PCDH15: variants seen among roughly 807,000 people sequenced by gnomAD.
PCDH15 encodes the protein protocadherin related 15.
In PCDH15, 129 loss-of-function variants were observed where a neutral mutation model predicts 178.5. The observed-to-expected ratio is 0.72, with a 90% CI of 0.63 to 0.84. The LOEUF is 0.84. Ranked by LOEUF, PCDH15 falls within the 40% of genes least tolerant of loss-of-function variation. The probability of loss-of-function intolerance (pLI) is 0.00; values close to 1 mark genes in which losing one functional copy is unlikely to be tolerated. For synonymous variants in PCDH15, 800 were observed against 732.0 expected (o/e 1.09, Z -1.50); for missense variants, 2,230 against 2,099.9 (o/e 1.06, Z -1.21).
chr10:55,335,118 G>C (rs35591709), intron 2 of PCDH15, among the ~76,000 whole-genome samples: 1 of 152,146 alleles, frequency 6.6e-6, no homozygotes, highest in Non-Finnish European at 1.5e-5. Flanking sequence ...TGCTGTTTAC[G>C]CTGATTCCCA....
chr10:55,502,279 G>C (rs1840673389), intron 2 of PCDH15, among the ~76,000 whole-genome samples: 1 of 151,336 alleles, frequency 6.6e-6, no homozygotes, highest in Admixed American at 6.6e-5. Flanking sequence ...GCTTCCTTTA[G>C]TTACAGTGTC....
chr10:55,282,775 G>A (rs1235587530), intron 1 of PCDH15, among the ~76,000 whole-genome samples: 2 of 152,050 alleles, frequency 1.3e-5, no homozygotes, highest in Non-Finnish European at 1.5e-5. Context: ...AAGTTTAAGC[G>A]AGAGCTTTCA....
chr10:54,809,095 C>T (rs966482397), intron 3 of PCDH15, among the ~76,000 whole-genome samples: 10 of 152,040 alleles, frequency 6.6e-5, no homozygotes, highest in African/African-American at 2.4e-4. Context: ...ATACTCTTTG[C>T]AAATTTTTAA....
chr10:54,663,195 T>TTC (rs2094517917), intron 2 of PCDH15, among the ~76,000 whole-genome samples: 1 of 151,964 alleles, frequency 6.6e-6, no homozygotes, highest in African/African-American at 2.4e-5. Flanking sequence ...TTCATCTATC[T>TTC]TCTGATCAAT....
chr10:54,110,276 CAGGTTTCCTATCAG>C (rs2094993513), intron 15 of PCDH15, among the ~76,000 whole-genome samples: 1 of 143,216 alleles, frequency 7.0e-6, no homozygotes, highest in Non-Finnish European at 1.5e-5. Context: ...AGGTAAGAAG[CAGGTTTCCTATCAG>C]AGAATAGAGA....
At chr10:55,159,388 T>C (rs918722948) in intron 2 of PCDH15, among the ~76,000 whole-genome samples, 2,135 of 19,104 alleles carry the variant, frequency 0.11, 19 homozygotes, top group Middle Eastern at 0.29. Context: ...TATATATATA[T>C]ACACACATAC....
intron 2 of PCDH15, among the ~76,000 whole-genome samples, chr10:55,532,251 T>C (rs1841471295): frequency 6.6e-6 from 1 of 152,038 alleles, no homozygotes; most frequent in Non-Finnish European, 1.5e-5. Flanking sequence ...CTTGAGGGGT[T>C]AAGGCAGCTG....
chr10:54,963,753 G>A (rs1057346678), intron 2 of PCDH15, among the ~76,000 whole-genome samples: 1 of 152,228 alleles, frequency 6.6e-6, no homozygotes, highest in African/African-American at 2.4e-5. Flanking sequence ...TCTGTACACT[G>A]TATTCTTTTG....
intron 1 of PCDH15, among the ~76,000 whole-genome samples, chr10:54,705,546 T>A (rs978777723): frequency 9.9e-5 from 15 of 152,148 alleles, no homozygotes; most frequent in African/African-American, 3.1e-4. Flanking sequence ...AGGTTGTACT[T>A]CTTGATCTAT....
intron 2 of PCDH15, among the ~76,000 whole-genome samples, chr10:55,414,912 C>A (rs1250857397): frequency 1.3e-5 from 2 of 151,128 alleles, no homozygotes; most frequent in South Asian, 4.2e-4. Context: ...TAGTTGCCTT[C>A]TATTTATTTT....
chr10:54,757,729 C>T (rs193266123), intron 1 of PCDH15, among the ~76,000 whole-genome samples: 88 of 151,978 alleles, frequency 5.8e-4, no homozygotes, highest in African/African-American at 1.9e-3. Context: ...TTATTTATGC[C>T]GAGAGAGAGA....
In PCDH15 at chr10:53,806,290, TTTC is replaced by T. The variant is rs1378091620; in HGVS notation, c.*286_*288del. 2.5e-5 allele frequency: 7 copies of T among 277,054 alleles called. No homozygotes were observed. The highest frequency in any genetic ancestry group is 1.4e-4 in the East Asian group (2 of 14,662). The allele number at this position is 277,054 out of a possible 1,614,324, so 17.2% of individuals were successfully genotyped here. On this transcript the variant is annotated 3_prime_UTR_variant, in exon 38 of 38. Transcript: ENST00000644397. ...AATATAAATGATTATTTAGTAATTATTTCTTGTTTATTAAAATGAACAAAAATT... is the reference window on the plus strand; with the variant it reads ...AATATAAATGATTATTTAGTAATTATTTGTTTATTAAAATGAACAAAAATT...
intron 1 of PCDH15, among the ~76,000 whole-genome samples, chr10:55,220,495 A>G (rs2132183075): frequency 6.6e-6 from 1 of 152,170 alleles, no homozygotes; most frequent in Admixed American, 6.5e-5. Flanking sequence ...TGTTGTACGA[A>G]CATTATAGAG....
chr10:53,869,151 T>A (rs895519149), intron 26 of PCDH15, among the ~76,000 whole-genome samples: 1 of 152,168 alleles, frequency 6.6e-6, no homozygotes, highest in Non-Finnish European at 1.5e-5. Flanking sequence ...TACCGGCTAA[T>A]CACTTTAGAT....
intron 5 of PCDH15, among the ~76,000 whole-genome samples, chr10:54,366,079 AC>A (rs2134623342): frequency 6.6e-6 from 1 of 152,180 alleles, no homozygotes; most frequent in African/African-American, 2.4e-5. Context: ...GGGATGATTG[AC>A]CTAAGGACTT....
At chr10:54,914,016 T>C (rs535697940) in intron 2 of PCDH15, among the ~76,000 whole-genome samples, 6 of 152,290 alleles carry the variant, frequency 3.9e-5, no homozygotes, top group African/African-American at 1.4e-4. Context: ...GACTTTAGAC[T>C]GTGAACTTTT....
chr10:53,945,721 A>G (rs2086487594), intron 23 of PCDH15, among the ~76,000 whole-genome samples: 1 of 151,570 alleles, frequency 6.6e-6, no homozygotes, highest in Non-Finnish European at 1.5e-5. Flanking sequence ...AATGTCCTCC[A>G]GATTTGAGAC....
At chr10:54,375,739 T>C (rs1948292073) in intron 4 of PCDH15, among the ~76,000 whole-genome samples, 1 of 148,690 alleles carries the variant, frequency 6.7e-6, no homozygotes, top group Non-Finnish European at 1.5e-5. Context: ...CAAACTCAAA[T>C]TGTTGGTTCT....
At chr10:54,535,400 A>C (rs1157585531) in intron 2 of PCDH15, among the ~76,000 whole-genome samples, 2 of 152,164 alleles carry the variant, frequency 1.3e-5, no homozygotes, top group African/African-American at 4.8e-5. Context: ...GTCAGAGACC[A>C]GAAGCCCATA....
Sources: allele counts gnomAD v4.1 joint callset (sites outside exome capture counted in the v4.1 genomes callset), GRCh38; gene constraint gnomAD v4.1.1; transcripts MANE v1.5; gene names NCBI Gene and HGNC (gene_info 2026-07-23, HGNC 2026-07-21).